The following XKR9 variants were observed in gnomAD, a reference collection of about 807,000 sequenced individuals.
XKR9 encodes the protein XK-related protein 9.
XKR9 carries 32 observed loss-of-function variants against 32.0 expected under a neutral mutation model. The ratio of observed to expected loss-of-function variants is 1.00; its 90% CI spans 0.76 to 1.34. The LOEUF (loss-of-function observed/expected upper bound fraction) is 1.34. Among genes scored for constraint, XKR9 ranks in the 40% most tolerant of loss-of-function variants. XKR9 has a pLI of 0.00. For synonymous variants in XKR9, 168 were observed against 143.4 expected, an observed-to-expected ratio of 1.17 and a Z score of -1.22; for missense variants, 546 against 429.7, an observed-to-expected ratio of 1.27 and a Z score of -2.39.
the XKR9 span, among the ~76,000 whole-genome samples, chr8:70,830,306 C>A: frequency 6.6e-6 from 1 of 151,912 alleles, no homozygotes; most frequent in African/African-American, 2.4e-5. Flanking sequence ...ACAGGCCAGG[C>A]GCCACAGCTC....
At chr8:71,031,678 G>C in the XKR9 span, among the ~76,000 whole-genome samples, 1 of 152,156 alleles carries the variant, frequency 6.6e-6, no homozygotes, top group African/African-American at 2.4e-5. Flanking sequence ...TGAAATCCTT[G>C]AGTGGCACCT....
intron 4 of XKR9, among the ~76,000 whole-genome samples, chr8:70,721,867 CTG>C (rs964915636): frequency 1.3e-5 from 2 of 152,138 alleles, no homozygotes; most frequent in African/African-American, 4.8e-5. Context: ...TGTTAATTTT[CTG>C]TCTCATTGAT....
the XKR9 span, among the ~76,000 whole-genome samples, chr8:71,015,777 TAA>T: frequency 1.5e-3 from 223 of 149,130 alleles, 1 homozygote; most frequent in African/African-American, 3.7e-3. Context: ...CATTAGCTGT[TAA>T]AAAAAAAAAA....
At chr8:71,034,469 C>T in the XKR9 span, among the ~76,000 whole-genome samples, 1 of 152,176 alleles carries the variant, frequency 6.6e-6, no homozygotes, top group African/African-American at 2.4e-5. Context: ...GTCCCTATAG[C>T]AGTGTGAGTA....
chr8:70,704,065 C>G (rs927936254), intron 3 of XKR9, among the ~76,000 whole-genome samples: 5 of 152,118 alleles, frequency 3.3e-5, no homozygotes, highest in Admixed American at 3.3e-4. Context: ...ACCTGTAGTC[C>G]CAGCTACTCG....
the XKR9 span, among the ~76,000 whole-genome samples, chr8:71,051,834 C>A: frequency 9.7e-4 from 148 of 152,278 alleles, 3 homozygotes; most frequent in Admixed American, 9.5e-3. Flanking sequence ...CCCCTGTGTG[C>A]AGAAAGCATG....
At chr8:70,843,854 G>A in the XKR9 span, among the ~76,000 whole-genome samples, 2 of 152,104 alleles carry the variant, frequency 1.3e-5, no homozygotes, top group Admixed American at 6.5e-5. Context: ...GCAGCATGGT[G>A]CCATTTTGAG....
At chr8:70,676,947 C>G (rs1180094884) in intron 2 of XKR9, among the ~76,000 whole-genome samples, 2 of 152,010 alleles carry the variant, frequency 1.3e-5, no homozygotes, top group African/African-American at 4.8e-5. Context: ...TTAAGAAATG[C>G]ACATATGGAA....
chr8:70,815,326 C>A, the XKR9 span, among the ~76,000 whole-genome samples: 9 of 152,064 alleles, frequency 5.9e-5, no homozygotes, highest in Non-Finnish European at 1.3e-4. Flanking sequence ...TGCTCCCACA[C>A]TCTACCCTCC....
intron 2 of XKR9, among the ~76,000 whole-genome samples, chr8:70,680,001 T>TA (rs575202768): frequency 4.1e-3 from 599 of 147,444 alleles, no homozygotes; most frequent in South Asian, 0.02. Context: ...AGGTCTGTTG[T>TA]AAAAAAAAAA....
chr8:71,003,581 C>T, the XKR9 span, among the ~76,000 whole-genome samples: 1 of 152,134 alleles, frequency 6.6e-6, no homozygotes, highest in Admixed American at 6.5e-5. Flanking sequence ...AGGCTCTTTG[C>T]TATTTTCTGT....
chr8:70,724,143 G>T (rs1806378130), intron 4 of XKR9, among the ~76,000 whole-genome samples: 1 of 152,104 alleles, frequency 6.6e-6, no homozygotes. Context: ...GCTGTGGTGA[G>T]TTCTGCCCAG....
chr8:70,967,501 G>A, the XKR9 span, among the ~76,000 whole-genome samples: 31 of 152,244 alleles, frequency 2.0e-4, no homozygotes, highest in African/African-American at 7.2e-4. Context: ...TTATTTTGCA[G>A]ACTTGTTTAT....
chr8:71,001,655 G>A, the XKR9 span, among the ~76,000 whole-genome samples: 3 of 152,276 alleles, frequency 2.0e-5, no homozygotes, highest in Middle Eastern at 3.4e-3. Context: ...TAAAAATAGA[G>A]TTAGTTAGCA....
chr8:70,685,662 C>T (rs1459318641), intron 3 of XKR9, among the ~76,000 whole-genome samples: 1 of 143,514 alleles, frequency 7.0e-6, no homozygotes, highest in Non-Finnish European at 1.5e-5. Flanking sequence ...CATGTTCTCA[C>T]TCATAGGTGG....
chr8:70,876,129 C>A, the XKR9 span, among the ~76,000 whole-genome samples: 1 of 151,560 alleles, frequency 6.6e-6, no homozygotes, highest in Non-Finnish European at 1.5e-5. Context: ...ACTGCCTGAA[C>A]TTTTAGAACT....
chr8:70,718,583 C>T (rs1372156157), intron 4 of XKR9, among the ~76,000 whole-genome samples: 3 of 152,082 alleles, frequency 2.0e-5, no homozygotes, highest in Non-Finnish European at 2.9e-5. Flanking sequence ...TTGGATTTCT[C>T]TTCCTGTGTT....
chr8:70,773,039 T>A (rs1388803205), intron 2 of XKR9, among the ~76,000 whole-genome samples: 1 of 152,230 alleles, frequency 6.6e-6, no homozygotes, highest in Non-Finnish European at 1.5e-5. Flanking sequence ...AATGTAGATG[T>A]ATATTTGTGA....
At chr8:70,827,945 T>C in the XKR9 span, among the ~76,000 whole-genome samples, 1 of 152,220 alleles carries the variant, frequency 6.6e-6, no homozygotes, top group Non-Finnish European at 1.5e-5. Flanking sequence ...CTCATGTTAA[T>C]ATATTTTTAA....
Sources: allele counts gnomAD v4.1 joint callset (sites outside exome capture counted in the v4.1 genomes callset), GRCh38; gene constraint gnomAD v4.1.1; transcripts MANE v1.5; gene names NCBI Gene and HGNC (gene_info 2026-07-23, HGNC 2026-07-21).